Variants in HOMER2 observed in about 807,000 individuals in gnomAD.
HOMER2 encodes homer protein homolog 2.
Under a neutral mutation model 47.0 loss-of-function variants are expected in HOMER2, and 27 were observed. The observed-to-expected ratio is 0.57, with a 90% confidence interval of 0.42 to 0.79. HOMER2 has a LOEUF of 0.79. HOMER2 is among the 30% of genes least tolerant of loss of function. The pLI, the probability that HOMER2 is intolerant of heterozygous loss-of-function variation, is 0.00. For synonymous variants in HOMER2, 161 were observed against 163.8 expected (o/e 0.98, Z 0.13); for missense variants, 443 against 435.0 (o/e 1.02, Z -0.16).
intron 2 of HOMER2, among the ~76,000 whole-genome samples, chr15:82,888,666 G>C (rs1441039470): frequency 8.9e-4 from 64 of 71,746 alleles, no homozygotes; most frequent in Non-Finnish European, 1.1e-3. Flanking sequence ...TTCCAGGTGC[G>C]TCCGTCACCC....
At chr15:82,851,315 T>C in intron 7 of HOMER2, 84 bp from the exon 8 acceptor site, 1 of 919,412 alleles carries the variant, frequency 1.1e-6, no homozygotes, top group Non-Finnish European at 1.7e-6. Context: ...TGCACGCTCG[T>C]GGAAGCAGCT....
chr15:82,904,131 G>C (rs898437935), intron 1 of HOMER2, among the ~76,000 whole-genome samples: 1 of 152,082 alleles, frequency 6.6e-6, no homozygotes, highest in Non-Finnish European at 1.5e-5. Context: ...AGTGAGACTG[G>C]CTCAAAACAA....
chr15:82,855,199 G>A (rs991104292), intron 5 of HOMER2, among the ~76,000 whole-genome samples: 1 of 151,582 alleles, frequency 6.6e-6, no homozygotes, highest in South Asian at 2.1e-4. Flanking sequence ...GGTGGCGGGC[G>A]CCTGCAGTCT....
intron 3 of HOMER2, among the ~76,000 whole-genome samples, chr15:82,868,542 T>TATATATATATATATATATATATATGTATA (rs370867216): frequency 2.3e-5 from 1 of 42,696 alleles, no homozygotes; most frequent in Non-Finnish European, 4.2e-5. Flanking sequence ...TATATATATA[T>TATATATATATATATATATATATATGTATA]TTTTTTTTTT....
chr15:82,904,955 T>C (rs1295405616), intron 1 of HOMER2, among the ~76,000 whole-genome samples: 3 of 152,212 alleles, frequency 2.0e-5, no homozygotes, highest in Non-Finnish European at 4.4e-5. Context: ...AGTCGTAATA[T>C]GGCAGGCATG....
At position 82,852,247 on chromosome 15, in the gene HOMER2, ATCAATCT is replaced by A. The variant is rs1413978881; in HGVS notation, c.652-2_656del. The A allele has an allele frequency of 6.2e-7, 1 of 1,612,158 alleles. No homozygotes were observed. On this transcript the variant is annotated splice_acceptor_variant and coding_sequence_variant, in exon 7 of 9. Transcript: ENST00000450735. LOFTEE classifies it high-confidence loss of function. ...TCTCACTGCATTGTTCTTCCAGCTC[ATCAATCT>A]TCAATACACACCACACAGGAAAGCA...
intron 1 of HOMER2, among the ~76,000 whole-genome samples, chr15:82,978,748 G>A (rs751502942): frequency 2.6e-5 from 4 of 151,954 alleles, no homozygotes; most frequent in African/African-American, 9.7e-5. Context: ...TTGAGAGGGA[G>A]TCTCACTCTG....
At chr15:82,944,567 A>G (rs1006086900) in intron 1 of HOMER2, among the ~76,000 whole-genome samples, 7 of 152,356 alleles carry the variant, frequency 4.6e-5, no homozygotes, top group Admixed American at 6.5e-5. Flanking sequence ...TCTATTGTAA[A>G]TATGCTATTT....
chr15:82,929,739 T>G (rs920329816), intron 1 of HOMER2, among the ~76,000 whole-genome samples: 4 of 151,264 alleles, frequency 2.6e-5, no homozygotes, highest in Non-Finnish European at 5.9e-5. Flanking sequence ...GTTTTGTTGT[T>G]TTTTTTTTGA....
chr15:82,983,679 C>T (rs1567082314), intron 1 of HOMER2, among the ~76,000 whole-genome samples: 1 of 151,908 alleles, frequency 6.6e-6, no homozygotes, highest in Non-Finnish European at 1.5e-5. Context: ...ACCTCTGCCT[C>T]CCAAGTTCAA....
At position 82,916,990 on chromosome 15, in the gene HOMER2, C is replaced by T. The variant is rs180914270; in HGVS notation, c.6-24149G>A. On this transcript the variant is annotated intron_variant, in intron 1 of 8. Transcript: ENST00000450735. ...CTAATTTTTGTATTTTTAGTAGAGA[C>T]GGGGTTTCACCATGTTGGCCAGGAT... is the stretch of plus-strand genomic sequence containing the variant. Among the ~76,000 whole-genome samples, 12 of 152,234 alleles carry T rather than the reference C, an allele frequency of 7.9e-5. 1 individual carries two copies. In the East Asian group the frequency reaches 9.7e-4, roughly 12 times the overall value.
intron 1 of HOMER2, among the ~76,000 whole-genome samples, chr15:82,984,731 G>A (rs148414938): frequency 1.3e-5 from 2 of 152,244 alleles, no homozygotes; most frequent in African/African-American, 4.8e-5. Context: ...TGAGAGGATC[G>A]CCTGAGCCCA....
At chr15:82,897,212 C>T (rs2052961915) in intron 1 of HOMER2, among the ~76,000 whole-genome samples, 1 of 151,822 alleles carries the variant, frequency 6.6e-6, no homozygotes, top group Non-Finnish European at 1.5e-5. Flanking sequence ...ATTACAGGCG[C>T]CTGCCACCAC....
intron 1 of HOMER2, among the ~76,000 whole-genome samples, chr15:82,962,602 G>A (rs879041334): frequency 5.4e-4 from 82 of 151,986 alleles, no homozygotes; most frequent in Non-Finnish European, 8.8e-4. Context: ...GCTTGAACCC[G>A]GGAGGTGGAG....
chr15:82,870,358 G>A (rs1389592063), intron 3 of HOMER2, among the ~76,000 whole-genome samples: 1 of 152,140 alleles, frequency 6.6e-6, no homozygotes, highest in African/African-American at 2.4e-5. Context: ...TCTGCCAGGG[G>A]GGTTGCTGTG....
At chr15:82,858,994 G>C in intron 5 of HOMER2, 35 bp downstream of exon 5, 1 of 1,598,490 alleles carries the variant, frequency 6.3e-7, no homozygotes, top group African/African-American at 1.3e-5. Flanking sequence ...GCTGAAGGTG[G>C]AGAAAATAGA....
chr15:82,937,520 G>C (rs551948056), intron 1 of HOMER2, among the ~76,000 whole-genome samples: 2 of 152,156 alleles, frequency 1.3e-5, no homozygotes, highest in African/African-American at 2.4e-5. Context: ...ATTAATGTTC[G>C]TTCCCTCCAA....
downstream of HOMER2, chr15:82,835,206 A>C (rs1475498979): frequency 6.6e-6 from 1 of 151,790 alleles, no homozygotes; most frequent in Non-Finnish European, 1.5e-5. Flanking sequence ...AGCTCACTGC[A>C]ACCTCTGCCT....
At chr15:82,910,562 TC>T (rs1237065975) in intron 1 of HOMER2, among the ~76,000 whole-genome samples, 1 of 152,192 alleles carries the variant, frequency 6.6e-6, no homozygotes, top group Admixed American at 6.5e-5. Flanking sequence ...GGCATGGCAT[TC>T]TGGAGATGTA....
Sources: gnomAD v4.1 joint callset for allele counts (sites outside exome capture counted in the v4.1 genomes callset) on GRCh38, gnomAD v4.1.1 for gene constraint, MANE v1.5 for transcripts, NCBI Gene and HGNC (gene_info 2026-07-23, HGNC 2026-07-21) for gene names.